CNTN5: variants seen among roughly 807,000 people sequenced by gnomAD.
CNTN5 encodes contactin-5.
A neutral mutation model predicts 129.1 loss-of-function variants in CNTN5; 77 were observed. The ratio of observed to expected loss-of-function variants is 0.60; its 90% CI spans 0.50 to 0.72. The LOEUF is 0.72. CNTN5 is among the 30% of genes least tolerant of loss of function. The pLI is 0.00. For synonymous variants in CNTN5, 509 were observed against 465.6 expected, an observed-to-expected ratio of 1.09 and a Z score of -1.20; for missense variants, 1,478 against 1,328.8, an observed-to-expected ratio of 1.11 and a Z score of -1.75.
At chr11:99,247,969 A>G (rs1388178664) in intron 1 of CNTN5, among the ~76,000 whole-genome samples, 1 of 152,178 alleles carries the variant, frequency 6.6e-6, no homozygotes, top group Non-Finnish European at 1.5e-5. Flanking sequence ...TCCTTTGGGT[A>G]TATACCCAGT....
chr11:99,968,383 T>G (rs1347718762), intron 8 of CNTN5, among the ~76,000 whole-genome samples: 1 of 152,152 alleles, frequency 6.6e-6, no homozygotes, highest in Admixed American at 6.6e-5. Flanking sequence ...ATTAATGAAC[T>G]ACAGGCAAAC....
chr11:99,026,758 G>A (rs1565256525), intron 1 of CNTN5, among the ~76,000 whole-genome samples: 1 of 151,524 alleles, frequency 6.6e-6, no homozygotes, highest in Non-Finnish European at 1.5e-5. Context: ...TGCAAGTAAT[G>A]CAAAAGATGG....
intron 3 of CNTN5, among the ~76,000 whole-genome samples, chr11:99,676,984 T>C (rs979852176): frequency 6.6e-6 from 1 of 152,166 alleles, no homozygotes; most frequent in African/African-American, 2.4e-5. Context: ...GACTACACTT[T>C]TAGAAACTCA....
intron 3 of CNTN5, among the ~76,000 whole-genome samples, chr11:99,655,412 C>T (rs780811646): frequency 6.6e-6 from 1 of 152,102 alleles, no homozygotes; most frequent in East Asian, 1.9e-4. Flanking sequence ...TGCATGAGGA[C>T]AATTCCAGTT....
chr11:99,399,742 T>A (rs1364142413), intron 2 of CNTN5, among the ~76,000 whole-genome samples: 1 of 151,950 alleles, frequency 6.6e-6, no homozygotes, highest in Non-Finnish European at 1.5e-5. Context: ...TACACTTTGG[T>A]TTTTTTAGTT....
intron 3 of CNTN5, among the ~76,000 whole-genome samples, chr11:99,731,713 C>T (rs1249692568): frequency 2.6e-5 from 4 of 152,112 alleles, no homozygotes; most frequent in East Asian, 1.9e-4. Flanking sequence ...AGGTGAAGTC[C>T]TTCTTTCTAA....
chr11:99,572,955 A>G (rs1346800868), intron 3 of CNTN5, among the ~76,000 whole-genome samples: 1 of 152,132 alleles, frequency 6.6e-6, no homozygotes, highest in African/African-American at 2.4e-5. Context: ...AGAACAGTGG[A>G]GCCAGCAATA....
chr11:99,982,097 A>G (rs1938384220), intron 8 of CNTN5, among the ~76,000 whole-genome samples: 1 of 152,226 alleles, frequency 6.6e-6, no homozygotes, highest in Non-Finnish European at 1.5e-5. Context: ...AGCCTTGTTA[A>G]TGGAGAATAC....
chr11:99,742,071 T>C (rs1279209265), intron 3 of CNTN5, among the ~76,000 whole-genome samples: 2 of 152,284 alleles, frequency 1.3e-5, no homozygotes, highest in South Asian at 2.1e-4. Flanking sequence ...CTAAATGTTA[T>C]GTGCAAGCAA....
At chr11:99,772,071 ATT>A (rs5794020) in intron 3 of CNTN5, among the ~76,000 whole-genome samples, 7,426 of 148,348 alleles carry the variant, frequency 0.05, 195 homozygotes, top group South Asian at 0.1. Context: ...CTTCTGAGGT[ATT>A]TTTTTTTTTT....
chr11:99,968,533 T>G (rs747496857), intron 8 of CNTN5, among the ~76,000 whole-genome samples: 3 of 152,086 alleles, frequency 2.0e-5, no homozygotes, highest in Non-Finnish European at 2.9e-5. Context: ...GGATCTCATG[T>G]TGTCCTCTGT....
intron 1 of CNTN5, among the ~76,000 whole-genome samples, chr11:99,283,357 C>T (rs1194432406): frequency 1.3e-5 from 2 of 152,050 alleles, no homozygotes; most frequent in Non-Finnish European, 2.9e-5. Flanking sequence ...TGGTACTCTT[C>T]GTCAGTGTTG....
chr11:99,682,338 T>C (rs1953592973), intron 3 of CNTN5, among the ~76,000 whole-genome samples: 1 of 151,764 alleles, frequency 6.6e-6, no homozygotes, highest in Admixed American at 6.6e-5. Context: ...AAGATATTAA[T>C]TGTGGGGTAC....
intron 1 of CNTN5, among the ~76,000 whole-genome samples, chr11:99,119,969 G>A (rs1858227956): frequency 6.6e-6 from 1 of 152,092 alleles, no homozygotes. Flanking sequence ...GGATGGGGTT[G>A]TTTGTTTTTA....
At position 99,618,197 on chromosome 11, in the gene CNTN5, A is replaced by G. The variant is rs1217102221; in HGVS notation, c.55+61928A>G. 3.3e-5 allele frequency among the ~76,000 whole-genome samples: 5 copies of G among 152,178 alleles called. 1 individual carries two copies. The South Asian group carries it at 6.2e-4, about 19-fold the overall frequency. On this transcript the variant is annotated intron_variant, in intron 3 of 24. Transcript: ENST00000524871. Reference sequence around the variant, plus strand: ...AAATTGTGTTTACAGGGCTTCTATTAAGACTATATTAGATGTCAAATTTCA... The same window carrying G: ...AAATTGTGTTTACAGGGCTTCTATTGAGACTATATTAGATGTCAAATTTCA...
chr11:100,196,229 G>T (rs976124687), intron 15 of CNTN5, among the ~76,000 whole-genome samples: 2 of 152,020 alleles, frequency 1.3e-5, no homozygotes, highest in Non-Finnish European at 2.9e-5. Context: ...CTGCCAGTGG[G>T]TGAGTGAATG....
At chr11:99,731,984 G>A (rs924705912) in intron 3 of CNTN5, among the ~76,000 whole-genome samples, 2 of 152,136 alleles carry the variant, frequency 1.3e-5, no homozygotes, top group African/African-American at 4.8e-5. Flanking sequence ...GTATATAAAT[G>A]CCCATTTGAG....
intron 3 of CNTN5, among the ~76,000 whole-genome samples, chr11:99,609,325 C>A (rs1214816852): frequency 6.6e-6 from 1 of 152,058 alleles, no homozygotes; most frequent in Non-Finnish European, 1.5e-5. Context: ...GATACACAGA[C>A]CCCAAAAGAT....
intron 17 of CNTN5, among the ~76,000 whole-genome samples, chr11:100,257,429 A>G (rs1199109865): frequency 6.6e-6 from 1 of 152,164 alleles, no homozygotes; most frequent in Admixed American, 6.5e-5. Flanking sequence ...GCAGCGCTCA[A>G]GCCCTGCTAA....
Sources: gnomAD v4.1 joint callset for allele counts (sites outside exome capture counted in the v4.1 genomes callset) on GRCh38, gnomAD v4.1.1 for gene constraint, MANE v1.5 for transcripts, NCBI Gene and HGNC (gene_info 2026-07-23, HGNC 2026-07-21) for gene names.